Variants in SVEP1 observed in about 807,000 individuals in gnomAD.
SVEP1 encodes sushi, von Willebrand factor type A, EGF and pentraxin domain-containing protein 1.
Under a neutral mutation model 367.3 loss-of-function variants are expected in SVEP1, and 164 were observed. The ratio of observed to expected loss-of-function variants is 0.45; its 90% CI spans 0.39 to 0.51. The LOEUF is 0.51. Ranked by LOEUF, SVEP1 falls within the 20% of genes least tolerant of loss-of-function variation. SVEP1 has a pLI of 0.00. For missense variants in SVEP1, 4,117 were observed against 4,425.3 expected (o/e 0.93, Z 1.98); for synonymous variants, 1,666 against 1,611.6 (o/e 1.03, Z -0.81).
chr9:110,508,440 A>G (rs1328504184), intron 5 of SVEP1, among the ~76,000 whole-genome samples: 1 of 152,208 alleles, frequency 6.6e-6, no homozygotes, highest in Admixed American at 6.5e-5. Flanking sequence ...GAGAAACCAC[A>G]AAAGAATCCT....
intron 16 of SVEP1, among the ~76,000 whole-genome samples, chr9:110,469,892 G>A (rs1828989874): frequency 1.3e-5 from 2 of 152,184 alleles, no homozygotes; most frequent in Non-Finnish European, 2.9e-5. Flanking sequence ...ACAAGGTGGG[G>A]AGGAAACAAA....
chr9:110,537,019 G>A (rs1376606958), intron 3 of SVEP1, among the ~76,000 whole-genome samples: 3 of 151,904 alleles, frequency 2.0e-5, no homozygotes, highest in Admixed American at 6.6e-5. Flanking sequence ...CCTTTTGTAC[G>A]TCAAAATGTT....
chr9:110,578,905 G>A (rs1830657325), intron 1 of SVEP1, 108 bp downstream of exon 1: 1 of 1,234,460 alleles, frequency 8.1e-7, no homozygotes, highest in South Asian at 1.4e-5. Flanking sequence ...TTGACTTGGG[G>A]TGGTTATGCC....
rs754811516 is a variant in SVEP1, at chr9:110,411,568, G to C, written c.6143C>G (p.Ser2048Cys). 5 of 1,614,016 alleles carry C rather than the reference G, an allele frequency of 3.1e-6. No individual in the cohort carries two copies. The highest frequency in any genetic ancestry group is 1.6e-4 in the Middle Eastern group (1 of 6,062). ...ATTGTCTGCTAGGCTGTAACCATCAGAGCAGTAGTAGAATGCAATGTCTCC... is the reference window on the plus strand; with the variant it reads ...ATTGTCTGCTAGGCTGTAACCATCACAGCAGTAGTAGAATGCAATGTCTCC... ...LFGDIAFYYC[S>C]DGYSLADNSQ... The change falls in exon 37 of 48, where the codon TCT becomes TGT. Residue 2048 changes from serine to cysteine, a missense_variant. By Grantham distance (112) the Ser-to-Cys change is moderately radical. This residue lies in a region of SVEP1 where 2,174 missense variants were observed against 2,494.3 expected (regional missense o/e 0.87). Coordinates refer to ENST00000374469, the MANE Select transcript of SVEP1 (RefSeq NM_153366.4).
intron 1 of SVEP1, among the ~76,000 whole-genome samples, chr9:110,567,728 C>A (rs1830509046): frequency 6.6e-6 from 1 of 152,150 alleles, no homozygotes; most frequent in South Asian, 2.1e-4. Flanking sequence ...CCTTGCTTGG[C>A]CAAAAGTTGA....
intron 17 of SVEP1, among the ~76,000 whole-genome samples, chr9:110,467,743 C>A (rs1828959255): frequency 6.6e-6 from 1 of 151,718 alleles, no homozygotes; most frequent in African/African-American, 2.4e-5. Context: ...TCAAGCAATC[C>A]TCCCACCTCA....
At chr9:110,528,230 G>A (rs911069265) in intron 3 of SVEP1, among the ~76,000 whole-genome samples, 2 of 138,706 alleles carry the variant, frequency 1.4e-5, no homozygotes, top group Non-Finnish European at 3.1e-5. Flanking sequence ...GGGCACTTAG[G>A]TTGATTCTGT....
chr9:110,425,694 A>C (rs561827665), intron 36 of SVEP1, among the ~76,000 whole-genome samples: 1 of 152,366 alleles, frequency 6.6e-6, no homozygotes, highest in South Asian at 2.1e-4. Context: ...GATAAACGTT[A>C]GGCAGACATA....
intron 10 of SVEP1, among the ~76,000 whole-genome samples, chr9:110,482,726 C>T (rs1332493289): frequency 6.6e-6 from 1 of 152,154 alleles, no homozygotes; most frequent in Non-Finnish European, 1.5e-5. Context: ...CAGGGTTTCA[C>T]CATGTTGGCC....
intron 36 of SVEP1, among the ~76,000 whole-genome samples, chr9:110,415,076 G>A (rs1161931846): frequency 4.6e-5 from 7 of 151,942 alleles, no homozygotes; most frequent in African/African-American, 1.2e-4. Flanking sequence ...AACCCCCTAC[G>A]TTTGAGGGTT....
chr9:110,508,253 T>C (rs1188184536), intron 5 of SVEP1, among the ~76,000 whole-genome samples: 1 of 152,152 alleles, frequency 6.6e-6, no homozygotes, highest in Non-Finnish European at 1.5e-5. Flanking sequence ...GTAGACAATA[T>C]AAGAAGCTAC....
intron 36 of SVEP1, among the ~76,000 whole-genome samples, chr9:110,416,955 T>A (rs1304886133): frequency 6.6e-6 from 1 of 152,026 alleles, no homozygotes; most frequent in Non-Finnish European, 1.5e-5. Flanking sequence ...ACCAAAAATG[T>A]CTCCAGACAT....
At chr9:110,457,134 G>T in intron 21 of SVEP1, 122 bp downstream of exon 21, 1 of 667,818 alleles carries the variant, frequency 1.5e-6, no homozygotes, top group Non-Finnish European at 2.4e-6. Flanking sequence ...AACAAATTTT[G>T]GCACATTTAC....
At chr9:110,513,715 T>C (rs1040670331) in intron 4 of SVEP1, among the ~76,000 whole-genome samples, 3 of 152,194 alleles carry the variant, frequency 2.0e-5, no homozygotes, top group African/African-American at 7.2e-5. Context: ...GCCTTTCTGA[T>C]TTCAAGGTGA....
intron 3 of SVEP1, among the ~76,000 whole-genome samples, chr9:110,534,710 T>C (rs1290916104): frequency 6.6e-6 from 1 of 152,192 alleles, no homozygotes; most frequent in Non-Finnish European, 1.5e-5. Context: ...ATTTTAATAA[T>C]ATCTATTCTG....
intron 3 of SVEP1, among the ~76,000 whole-genome samples, chr9:110,528,156 G>GTGTGTGTATGTATATATATATATA: frequency 8.8e-5 from 3 of 33,948 alleles, no homozygotes; most frequent in South Asian, 1.9e-3. Context: ...GTGTGTGTGT[G>GTGTGTGTATGTATATATATATATA]TATATATATA....
chr9:110,504,750 G>A (rs1829597102), intron 5 of SVEP1, among the ~76,000 whole-genome samples: 1 of 151,994 alleles, frequency 6.6e-6, no homozygotes, highest in Non-Finnish European at 1.5e-5. Context: ...AATTCCTTCT[G>A]CCCAGCATTT....
At chr9:110,462,623 G>C (rs977253578) in intron 18 of SVEP1, among the ~76,000 whole-genome samples, 2 of 150,776 alleles carry the variant, frequency 1.3e-5, no homozygotes, top group East Asian at 1.9e-4. Context: ...AGAAAAGAGG[G>C]GTGAATGTTT....
chr9:110,366,844 G>A lies in SVEP1; in HGVS notation c.10695-284C>T, dbSNP rs573947299. ...TACAATTCTCTCTTCTGTAAAATGAGGGGTTTGGAGCTAATGAACCTAAAG... is the reference window on the plus strand; with the variant it reads ...TACAATTCTCTCTTCTGTAAAATGAAGGGTTTGGAGCTAATGAACCTAAAG... On this transcript the variant is annotated intron_variant, in intron 47 of 47. Transcript: ENST00000374469. 1.6e-4 allele frequency among the ~76,000 whole-genome samples: 25 copies of A among 152,300 alleles called. 1 individual carries two copies. In the South Asian group the frequency reaches 4.6e-3, roughly 28 times the overall value.
Sources: allele counts gnomAD v4.1 joint callset (sites outside exome capture counted in the v4.1 genomes callset), GRCh38; gene constraint gnomAD v4.1.1; regional missense constraint gnomAD v4.1.1; transcripts MANE v1.5; gene names NCBI Gene and HGNC (gene_info 2026-07-23, HGNC 2026-07-21).